The following EFHD1 variants were observed in gnomAD, a reference collection of about 807,000 sequenced individuals.
EFHD1 encodes EF-hand domain-containing protein D1.
EFHD1 carries 10 observed loss-of-function variants against 17.2 expected under a neutral mutation model. That is an observed-to-expected ratio of 0.58 (90% CI 0.36 to 0.99). The LOEUF (loss-of-function observed/expected upper bound fraction) is 0.99. Among genes scored for constraint, EFHD1 ranks in the 50% least tolerant of loss-of-function variants. The pLI, the probability that EFHD1 is intolerant of heterozygous loss-of-function variation, is 0.01. For missense variants in EFHD1, 310 were observed against 327.5 expected, an observed-to-expected ratio of 0.95 and a Z score of 0.41; for synonymous variants, 153 against 142.0, an observed-to-expected ratio of 1.08 and a Z score of -0.55.
At chr2:232,631,340 AC>A (rs1306121712), upstream of EFHD1, among the ~76,000 whole-genome samples, 1 of 149,582 alleles carries the variant, frequency 6.7e-6, no homozygotes, top group African/African-American at 2.5e-5. Flanking sequence ...TTACTCTACC[AC>A]CCAGGCTAGA....
chr2:232,653,317 G>A (rs1203567617), intron 1 of EFHD1, among the ~76,000 whole-genome samples: 1 of 151,922 alleles, frequency 6.6e-6, no homozygotes, highest in Non-Finnish European at 1.5e-5. Flanking sequence ...TCAAGATGGA[G>A]TCTCACTCTG....
At chr2:232,616,051 T>G (rs1190488891) in intron 1 of EFHD1, among the ~76,000 whole-genome samples, 1 of 152,124 alleles carries the variant, frequency 6.6e-6, no homozygotes, top group Non-Finnish European at 1.5e-5. Flanking sequence ...TAACAACACC[T>G]AGAATCAAAA....
At position 232,636,804 on chromosome 2, in the gene EFHD1, C is replaced by CA. The variant is rs1182833051; in HGVS notation, c.302+2799dup. 2.0e-5 allele frequency among the ~76,000 whole-genome samples: 3 copies of CA among 152,206 alleles called. No individual in the cohort carries two copies. The East Asian group carries it at 5.8e-4, about 29-fold the overall frequency. ...CGCCATTGCACTCTAGCCTGGGCAA[C>CA]AGAGTGCGACTCCGTCTCAAAAAAA... On this transcript the variant is annotated intron_variant, in intron 1 of 3. Coordinates refer to ENST00000264059, the MANE Select transcript of EFHD1 (RefSeq NM_025202.4).
At chr2:232,640,660 A>G (rs1694412706) in intron 1 of EFHD1, among the ~76,000 whole-genome samples, 2 of 152,044 alleles carry the variant, frequency 1.3e-5, no homozygotes, top group South Asian at 4.2e-4. Flanking sequence ...TGCTGTTTGG[A>G]TGGGAGGGAT....
At chr2:232,668,121 A>G (rs1694999904) in intron 2 of EFHD1, among the ~76,000 whole-genome samples, 1 of 152,210 alleles carries the variant, frequency 6.6e-6, no homozygotes, top group Admixed American at 6.5e-5. Context: ...AGTCACAGCT[A>G]GGACAGTTTC....
At chr2:232,673,907 C>CTTTT (rs11409819) in intron 3 of EFHD1, among the ~76,000 whole-genome samples, 113 of 119,942 alleles carry the variant, frequency 9.4e-4, no homozygotes, top group Non-Finnish European at 1.5e-3. Flanking sequence ...AAGACTTCTT[C>CTTTT]TTTTTTTTTT....
intron 1 of EFHD1, among the ~76,000 whole-genome samples, chr2:232,626,823 G>C (rs1441112045): frequency 6.6e-6 from 1 of 152,038 alleles, no homozygotes; most frequent in African/African-American, 2.4e-5. Flanking sequence ...AACAAAGTGA[G>C]CCTGTCACTT....
intron 1 of EFHD1, among the ~76,000 whole-genome samples, chr2:232,646,042 A>G (rs1403854749): frequency 6.6e-6 from 1 of 152,062 alleles, no homozygotes; most frequent in Non-Finnish European, 1.5e-5. Context: ...GCCCTATTGG[A>G]CCACCTGCCC....
At chr2:232,630,872 G>C (rs979838376), upstream of EFHD1, among the ~76,000 whole-genome samples, 15 of 151,696 alleles carry the variant, frequency 9.9e-5, no homozygotes, top group African/African-American at 3.4e-4. Flanking sequence ...AATAAAAAGA[G>C]CTGTTAGATT....
intron 1 of EFHD1, among the ~76,000 whole-genome samples, chr2:232,662,271 T>C (rs1036409365): frequency 6.6e-6 from 1 of 152,004 alleles, no homozygotes; most frequent in African/African-American, 2.4e-5. Flanking sequence ...AGGGGAATCA[T>C]GAGCCAGAGT....
intron 1 of EFHD1, among the ~76,000 whole-genome samples, chr2:232,606,347 T>A (rs942387190): frequency 6.6e-6 from 1 of 152,198 alleles, no homozygotes; most frequent in Admixed American, 6.5e-5. Flanking sequence ...TCGGCTGGGC[T>A]TTTAAGCCTT....
chr2:232,664,653 AC>A (rs1559353828), intron 2 of EFHD1, among the ~76,000 whole-genome samples: 1 of 110,934 alleles, frequency 9.0e-6, no homozygotes, highest in African/African-American at 3.6e-5. Flanking sequence ...TCGCTCTGTC[AC>A]CCAGGCTGGA....
At chr2:232,624,793 C>T (rs952510018) in intron 1 of EFHD1, among the ~76,000 whole-genome samples, 2 of 152,130 alleles carry the variant, frequency 1.3e-5, no homozygotes, top group East Asian at 3.9e-4. Context: ...ACACAATTGC[C>T]AGAAGATGCT....
At chr2:232,639,581 T>G (rs943641471) in intron 1 of EFHD1, among the ~76,000 whole-genome samples, 3 of 152,168 alleles carry the variant, frequency 2.0e-5, no homozygotes, top group African/African-American at 7.2e-5. Flanking sequence ...GACCAACTAG[T>G]ATATAGGAAT....
At chr2:232,647,644 T>A (rs554210225) in intron 1 of EFHD1, among the ~76,000 whole-genome samples, 1 of 28,094 alleles carries the variant, frequency 3.6e-5, no homozygotes, top group Non-Finnish European at 8.9e-5. Flanking sequence ...CTGTTAGAAC[T>A]TTTTTTTTTG....
intron 1 of EFHD1, among the ~76,000 whole-genome samples, chr2:232,660,403 C>G (rs182884401): frequency 6.6e-6 from 1 of 151,734 alleles, no homozygotes; most frequent in Non-Finnish European, 1.5e-5. Context: ...ACCGTGTTAG[C>G]CAGGATGGTC....
intron 1 of EFHD1, among the ~76,000 whole-genome samples, chr2:232,639,322 T>A (rs1468683428): frequency 6.6e-6 from 1 of 152,202 alleles, no homozygotes; most frequent in Non-Finnish European, 1.5e-5. Flanking sequence ...AAAAAGTGCC[T>A]GATTTCAAAG....
chr2:232,670,267 C>A (rs916890567), intron 2 of EFHD1, among the ~76,000 whole-genome samples: 1 of 151,940 alleles, frequency 6.6e-6, no homozygotes, highest in African/African-American at 2.4e-5. Flanking sequence ...ATGGTGAAAC[C>A]CCATTTCTAC....
intron 1 of EFHD1, among the ~76,000 whole-genome samples, chr2:232,635,981 C>T (rs888376634): frequency 2.0e-5 from 3 of 152,054 alleles, no homozygotes; most frequent in African/African-American, 7.2e-5. Context: ...CTGAGGAAAC[C>T]AAAAAGCCAT....
Sources: allele counts gnomAD v4.1 joint callset (sites outside exome capture counted in the v4.1 genomes callset), GRCh38; gene constraint gnomAD v4.1.1; transcripts MANE v1.5; gene names NCBI Gene and HGNC (gene_info 2026-07-23, HGNC 2026-07-21).